ROBO1: variants seen among roughly 807,000 people sequenced by gnomAD.
ROBO1 encodes the protein roundabout guidance receptor 1, also known as roundabout homolog 1.
A neutral mutation model predicts 195.9 loss-of-function variants in ROBO1; 149 were observed. The observed-to-expected ratio is 0.76, with a 90% CI of 0.67 to 0.87. The LOEUF is 0.87. Ranked by LOEUF, ROBO1 falls within the 40% of genes least tolerant of loss-of-function variation. ROBO1 has a pLI of 0.00. For missense variants in ROBO1, 1,933 were observed against 2,068.3 expected (o/e 0.93, Z 1.27); for synonymous variants, 816 against 733.2 (o/e 1.11, Z -1.82).
intron 1 of ROBO1, among the ~76,000 whole-genome samples, chr3:79,655,959 T>C (rs1946146149): frequency 6.6e-6 from 1 of 152,178 alleles, no homozygotes; most frequent in Non-Finnish European, 1.5e-5. Flanking sequence ...AATCACCAAC[T>C]TGGATATTCA....
chr3:79,300,938 GC>G lies in ROBO1; in HGVS notation c.89-175400del, dbSNP rs1232183830. Among the ~76,000 whole-genome samples, 6 of 152,110 alleles carry G rather than the reference GC, an allele frequency of 3.9e-5. No individual in the cohort carries two copies. The South Asian group carries it at 1.2e-3, about 32-fold the overall frequency. ...TGTGTCTAGCTCAGGGATTGTAAAC[GC>G]ACCAATCAGCGCCCTGTCAAAACAC... On this transcript the variant is annotated intron_variant, in intron 2 of 30. Transcript: ENST00000464233.
At chr3:79,485,817 C>T (rs1209568010) in intron 2 of ROBO1, among the ~76,000 whole-genome samples, 1 of 152,158 alleles carries the variant, frequency 6.6e-6, no homozygotes, top group African/African-American at 2.4e-5. Context: ...ACCTTACTGT[C>T]CGATTCTTTA....
At chr3:79,637,519 T>C (rs1945531046) in intron 1 of ROBO1, among the ~76,000 whole-genome samples, 1 of 152,078 alleles carries the variant, frequency 6.6e-6, no homozygotes, top group South Asian at 2.1e-4. Flanking sequence ...TGCAATATTA[T>C]AAAAAGTTTG....
chr3:79,601,852 A>G (rs1321973351), intron 1 of ROBO1, among the ~76,000 whole-genome samples: 1 of 151,912 alleles, frequency 6.6e-6, no homozygotes, highest in African/African-American at 2.4e-5. Flanking sequence ...GAAAACCTAA[A>G]ATTAGTTCAA....
At chr3:78,862,434 T>C (rs912056557) in intron 4 of ROBO1, among the ~76,000 whole-genome samples, 1 of 152,180 alleles carries the variant, frequency 6.6e-6, no homozygotes, top group Non-Finnish European at 1.5e-5. Flanking sequence ...ACACCTTCTT[T>C]CCAGTCTTAT....
At chr3:79,280,520 T>C (rs2108999638) in intron 2 of ROBO1, among the ~76,000 whole-genome samples, 1 of 152,264 alleles carries the variant, frequency 6.6e-6, no homozygotes, top group Non-Finnish European at 1.5e-5. Context: ...GATCATAATT[T>C]AAACTGGGAT....
intron 2 of ROBO1, among the ~76,000 whole-genome samples, chr3:79,288,742 CTGAG>C: frequency 6.6e-6 from 1 of 152,248 alleles, no homozygotes; most frequent in East Asian, 1.9e-4. Context: ...ATTGTTAACA[CTGAG>C]TATTTTATTT....
intron 4 of ROBO1, among the ~76,000 whole-genome samples, chr3:78,932,970 A>C (rs2107655852): frequency 6.6e-6 from 1 of 152,240 alleles, no homozygotes; most frequent in Middle Eastern, 3.4e-3. Context: ...AAATTGTGTA[A>C]AGTACTCCCA....
At chr3:79,045,081 C>T (rs1385574228) in intron 3 of ROBO1, among the ~76,000 whole-genome samples, 3 of 151,742 alleles carry the variant, frequency 2.0e-5, no homozygotes, top group Admixed American at 6.6e-5. Flanking sequence ...CCATGAAGCG[C>T]TATGGAAGAA....
chr3:79,525,845 C>T (rs1380852387), intron 2 of ROBO1, among the ~76,000 whole-genome samples: 2 of 151,788 alleles, frequency 1.3e-5, no homozygotes, highest in Non-Finnish European at 1.5e-5. Context: ...CTGATCTCCT[C>T]GTGTTCCGCC....
chr3:78,620,654 T>C (rs777440079), intron 26 of ROBO1, among the ~76,000 whole-genome samples: 1 of 152,206 alleles, frequency 6.6e-6, no homozygotes, highest in Non-Finnish European at 1.5e-5. Flanking sequence ...GCACTTACTT[T>C]GTAGCTAAGC....
chr3:79,534,865 T>C (rs1165438641), intron 2 of ROBO1, among the ~76,000 whole-genome samples: 1 of 152,126 alleles, frequency 6.6e-6, no homozygotes, highest in Non-Finnish European at 1.5e-5. Context: ...GGGCTTCTTA[T>C]TCTCCCTGCG....
chr3:78,957,056 T>C (rs1272352636), intron 3 of ROBO1, among the ~76,000 whole-genome samples: 1 of 152,120 alleles, frequency 6.6e-6, no homozygotes, highest in African/African-American at 2.4e-5. Flanking sequence ...AAATGTGTAG[T>C]TTTTGTTTCC....
At chr3:79,754,332 C>T (rs1306617871) in intron 1 of ROBO1, among the ~76,000 whole-genome samples, 1 of 152,090 alleles carries the variant, frequency 6.6e-6, no homozygotes, top group African/African-American at 2.4e-5. Context: ...TATGCTGTAA[C>T]CTGAGGGTGG....
At chr3:79,584,646 TAC>T (rs368909952) in intron 2 of ROBO1, among the ~76,000 whole-genome samples, 23,738 of 140,802 alleles carry the variant, frequency 0.17, 3,152 homozygotes, top group African/African-American at 0.36. Flanking sequence ...TGTATGTTCA[TAC>T]ACACACACAC....
chr3:79,231,820 C>T (rs1010852771), intron 2 of ROBO1, among the ~76,000 whole-genome samples: 1 of 152,010 alleles, frequency 6.6e-6, no homozygotes, highest in Admixed American at 6.6e-5. Flanking sequence ...CCTATATTGC[C>T]CATCAATGGG....
chr3:79,538,914 A>G (rs1271511794), intron 2 of ROBO1, among the ~76,000 whole-genome samples: 5 of 152,292 alleles, frequency 3.3e-5, no homozygotes, highest in African/African-American at 9.6e-5. Flanking sequence ...ATGTTAAGAT[A>G]CAATTAAACA....
At position 78,623,530 on chromosome 3, in the gene ROBO1, C is replaced by G. The variant is rs1318347500; in HGVS notation, c.3875+3791G>C. Among the ~76,000 whole-genome samples the G allele has an allele frequency of 2.6e-5, 4 of 152,240 alleles. No homozygotes were observed. The East Asian group carries it at 7.8e-4, about 30-fold the overall frequency. On this transcript the variant is annotated intron_variant, in intron 26 of 30. Transcript: ENST00000464233. Reference sequence around the variant, plus strand: ...GCTTTGATTGCTACATTAAGGAACCCTGCTTTTATTTTAAGAAAAATGGGA... The same window carrying G: ...GCTTTGATTGCTACATTAAGGAACCGTGCTTTTATTTTAAGAAAAATGGGA...
intron 2 of ROBO1, among the ~76,000 whole-genome samples, chr3:79,493,639 A>C (rs1309888916): frequency 6.6e-6 from 1 of 152,008 alleles, no homozygotes. Flanking sequence ...TAATTTGATA[A>C]ATAATTTAAA....
Sources: gnomAD v4.1 joint callset for allele counts (sites outside exome capture counted in the v4.1 genomes callset) on GRCh38, gnomAD v4.1.1 for gene constraint, MANE v1.5 for transcripts, NCBI Gene and HGNC (gene_info 2026-07-23, HGNC 2026-07-21) for gene names.